AUTS2: variants seen among roughly 807,000 people sequenced by gnomAD.
AUTS2 encodes activator of transcription and developmental regulator AUTS2, also known as autism susceptibility gene 2 protein.
AUTS2 carries 17 observed loss-of-function variants against 112.4 expected under a neutral mutation model. That is an observed-to-expected ratio of 0.15 (90% confidence interval 0.10 to 0.23). AUTS2 has a LOEUF of 0.23. Ranked by LOEUF, AUTS2 falls within the 10% of genes least tolerant of loss-of-function variation. AUTS2 has a pLI of 1.00. For missense variants in AUTS2, 1,510 were observed against 1,701.6 expected, an observed-to-expected ratio of 0.89 and a Z score of 1.98; for synonymous variants, 751 against 702.7, an observed-to-expected ratio of 1.07 and a Z score of -1.09.
At chr7:70,247,049 A>G (rs2129602686) in intron 4 of AUTS2, among the ~76,000 whole-genome samples, 1 of 152,240 alleles carries the variant, frequency 6.6e-6, no homozygotes, top group Non-Finnish European at 1.5e-5. Context: ...CAGGGACTCA[A>G]ACAGATATTT....
chr7:69,776,491 C>G (rs1378213463), intron 1 of AUTS2, among the ~76,000 whole-genome samples: 2 of 152,206 alleles, frequency 1.3e-5, no homozygotes, highest in African/African-American at 4.8e-5. Flanking sequence ...TTACAGCTCA[C>G]TGCAACCTTG....
At chr7:70,290,693 G>C in intron 4 of AUTS2, 2 of 1,322,906 alleles carry the variant, frequency 1.5e-6, no homozygotes, top group South Asian at 4.0e-5. Flanking sequence ...TCAGGTATCA[G>C]ATCCTTTGAC....
chr7:70,714,317 C>T (rs1810233510), intron 6 of AUTS2, among the ~76,000 whole-genome samples: 1 of 152,108 alleles, frequency 6.6e-6, no homozygotes, highest in Non-Finnish European at 1.5e-5. Context: ...CTGGATAGGG[C>T]GATGTCCACC....
chr7:70,010,784 T>C (rs906300355), intron 2 of AUTS2, among the ~76,000 whole-genome samples: 7 of 152,184 alleles, frequency 4.6e-5, no homozygotes, highest in Non-Finnish European at 7.3e-5. Context: ...CTAGATATTC[T>C]CCAGTATCAC....
At chr7:70,314,838 C>T (rs552466575) in intron 4 of AUTS2, among the ~76,000 whole-genome samples, 1 of 152,324 alleles carries the variant, frequency 6.6e-6, no homozygotes, top group African/African-American at 2.4e-5. Flanking sequence ...CAGTCTCCTC[C>T]ATGGTTTTGT....
chr7:69,839,921 A>G (rs2129528471), intron 1 of AUTS2, among the ~76,000 whole-genome samples: 1 of 152,196 alleles, frequency 6.6e-6, no homozygotes, highest in East Asian at 1.9e-4. Flanking sequence ...CAGATAAGAA[A>G]CAGGAATCAT....
At chr7:70,510,719 A>C (rs1585235212) in intron 5 of AUTS2, among the ~76,000 whole-genome samples, 1 of 152,182 alleles carries the variant, frequency 6.6e-6, no homozygotes, top group Non-Finnish European at 1.5e-5. Flanking sequence ...TGTAAAACTC[A>C]CTAATTTTTT....
In AUTS2 at chr7:69,599,483, C is replaced by T; in HGVS notation, c.-171C>T. Reference sequence around the variant, plus strand: ...TCCGCCCCTTCCCCCTTTTCTTTCTCCTCTCTTTCTTCCCCTCTCTCCCTT... The same window carrying T: ...TCCGCCCCTTCCCCCTTTTCTTTCTTCTCTCTTTCTTCCCCTCTCTCCCTT... On this transcript the variant is annotated 5_prime_UTR_variant, in exon 1 of 19. Coordinates refer to ENST00000342771, the MANE Select transcript of AUTS2 (RefSeq NM_015570.4). The surrounding 1 kb of genome is among the most constrained non-coding windows in gnomAD (Gnocchi z 7.0). The T allele has an allele frequency of 3.9e-6, 2 of 518,132 alleles. No individual in the cohort carries two copies. The highest frequency in any genetic ancestry group is 1.0e-4 in the South Asian group (1 of 9,938). The allele number at this position is 518,132 out of a possible 1,614,324, so 32.1% of individuals were successfully genotyped here.
intron 5 of AUTS2, among the ~76,000 whole-genome samples, chr7:70,563,725 T>C (rs893554874): frequency 6.6e-6 from 1 of 152,204 alleles, no homozygotes; most frequent in African/African-American, 2.4e-5. Flanking sequence ...ATTGAGAAAC[T>C]GTAGGACATC....
intron 6 of AUTS2, among the ~76,000 whole-genome samples, chr7:70,703,925 GGAGTTAT>G (rs1306347907): frequency 6.6e-6 from 1 of 152,168 alleles, no homozygotes; most frequent in African/African-American, 2.4e-5. Flanking sequence ...AAGAGACAAA[GGAGTTAT>G]GAGTAGTTCA....
rs71068013 is a variant in AUTS2 at position 70,066,539 on chromosome 7, A to ATTTT, written c.523-51577_523-51574dup. On this transcript the variant is annotated intron_variant, in intron 2 of 18. Transcript: ENST00000342771. ...AACTTTACAGATCTATACCCAGTAA[A>ATTTT]TTTTTTTTTTTTTTTTTTTCAAACA... 1.6e-3 allele frequency among the ~76,000 whole-genome samples: 215 copies of ATTTT among 137,856 alleles called. No homozygotes were observed. In the Middle Eastern group the frequency reaches 0.028, roughly 18 times the overall value. 90.4% of individuals were successfully genotyped at this position (137,856 alleles called of 152,430 possible).
At chr7:69,727,185 T>C (rs569210594) in intron 1 of AUTS2, among the ~76,000 whole-genome samples, 1 of 152,192 alleles carries the variant, frequency 6.6e-6, no homozygotes, top group African/African-American at 2.4e-5. Context: ...GAGTGTGATA[T>C]GAGGTAAGGG....
intron 2 of AUTS2, among the ~76,000 whole-genome samples, chr7:70,104,386 A>G (rs1804661775): frequency 6.6e-6 from 1 of 152,176 alleles, no homozygotes; most frequent in Non-Finnish European, 1.5e-5. Context: ...TTCAGTACAC[A>G]TTGGCGAAAT....
At chr7:70,346,794 C>T (rs1791516810) in intron 4 of AUTS2, among the ~76,000 whole-genome samples, 1 of 152,172 alleles carries the variant, frequency 6.6e-6, no homozygotes, top group South Asian at 2.1e-4. Context: ...CGCCAGGCTC[C>T]ATGGTCCCCA....
intron 6 of AUTS2, among the ~76,000 whole-genome samples, chr7:70,732,688 A>G (rs1428732685): frequency 1.3e-5 from 2 of 152,142 alleles, no homozygotes; most frequent in Admixed American, 6.5e-5. Context: ...CTTTCCCTTT[A>G]ACAATTTGTC....
At chr7:70,129,901 T>TATTGTGTGTGTG (rs1554319605) in intron 3 of AUTS2, among the ~76,000 whole-genome samples, 1 of 147,322 alleles carries the variant, frequency 6.8e-6, no homozygotes, top group African/African-American at 2.5e-5. Context: ...TATATATATA[T>TATTGTGTGTGTG]TGTGTGTGTG....
At chr7:70,308,266 A>T (rs1789576214) in intron 4 of AUTS2, among the ~76,000 whole-genome samples, 1 of 152,172 alleles carries the variant, frequency 6.6e-6, no homozygotes, top group African/African-American at 2.4e-5. Flanking sequence ...CAGGAGTTAT[A>T]ACAATTGTTT....
chr7:69,821,694 G>A (rs766198799), intron 1 of AUTS2, among the ~76,000 whole-genome samples: 5 of 151,920 alleles, frequency 3.3e-5, no homozygotes, highest in South Asian at 2.1e-4. Context: ...AACTCCAGAC[G>A]TGCCACCTTT....
intron 5 of AUTS2, among the ~76,000 whole-genome samples, chr7:70,667,783 A>G (rs1194327539): frequency 6.6e-6 from 1 of 152,210 alleles, no homozygotes; most frequent in Non-Finnish European, 1.5e-5. Context: ...AGCATTACCA[A>G]ATTTGTAAAA....
Sources: allele counts gnomAD v4.1 joint callset (sites outside exome capture counted in the v4.1 genomes callset), GRCh38; gene constraint gnomAD v4.1.1; non-coding constraint Gnocchi (gnomAD v3.1); transcripts MANE v1.5; gene names NCBI Gene and HGNC (gene_info 2026-07-23, HGNC 2026-07-21).